TANC2: variants seen among roughly 807,000 people sequenced by gnomAD.
TANC2 encodes protein TANC2.
Under a neutral mutation model 210.5 loss-of-function variants are expected in TANC2, and 26 were observed. The observed-to-expected ratio is 0.12, with a 90% CI of 0.09 to 0.17. The LOEUF is 0.17. Ranked by LOEUF, TANC2 falls within the 10% of genes least tolerant of loss-of-function variation. The pLI is 1.00. For synonymous variants in TANC2, 931 were observed against 967.1 expected (o/e 0.96, Z 0.69); for missense variants, 2,129 against 2,608.9 (o/e 0.82, Z 4.01).
At chr17:63,185,516 T>A (rs2040951584) in intron 5 of TANC2, among the ~76,000 whole-genome samples, 1 of 152,202 alleles carries the variant, frequency 6.6e-6, no homozygotes, top group Admixed American at 6.5e-5. Context: ...ACTTGCTGAG[T>A]CATATGGTTT....
chr17:63,071,427 G>T (rs2036393852), intron 2 of TANC2, among the ~76,000 whole-genome samples: 1 of 152,108 alleles, frequency 6.6e-6, no homozygotes, highest in Non-Finnish European at 1.5e-5. Flanking sequence ...AAAGTGCTGG[G>T]ATTACAGGTG....
At chr17:62,985,682 T>C (rs1171663473) in intron 1 of TANC2, among the ~76,000 whole-genome samples, 1 of 152,182 alleles carries the variant, frequency 6.6e-6, no homozygotes, top group Non-Finnish European at 1.5e-5. Flanking sequence ...ATTTCATTCA[T>C]TGAATTCTTC....
intron 3 of TANC2, among the ~76,000 whole-genome samples, chr17:63,078,664 T>C (rs972606894): frequency 6.6e-6 from 1 of 152,176 alleles, no homozygotes; most frequent in Admixed American, 6.5e-5. Flanking sequence ...TTTAGAAGTA[T>C]GTTGATGTAG....
intron 5 of TANC2, among the ~76,000 whole-genome samples, chr17:63,178,085 A>G (rs1321794746): frequency 1.8e-4 from 28 of 152,206 alleles, no homozygotes; most frequent in Non-Finnish European, 2.9e-5. Flanking sequence ...TAATCCCAGC[A>G]CTTTGGGAGG....
chr17:63,397,613 C>T (rs1377904374), intron 18 of TANC2, among the ~76,000 whole-genome samples: 1 of 152,106 alleles, frequency 6.6e-6, no homozygotes, highest in African/African-American at 2.4e-5. Flanking sequence ...TAAATACTCC[C>T]ATCATGGCCA....
At chr17:63,018,142 C>T (rs1217556080) in intron 2 of TANC2, among the ~76,000 whole-genome samples, 5 of 151,826 alleles carry the variant, frequency 3.3e-5, no homozygotes, top group African/African-American at 9.7e-5. Flanking sequence ...AAAAAAAGAG[C>T]AGTTATTTTC....
intron 10 of TANC2, among the ~76,000 whole-genome samples, chr17:63,317,136 C>G (rs1397345503): frequency 1.3e-5 from 2 of 152,110 alleles, no homozygotes; most frequent in Non-Finnish European, 2.9e-5. Context: ...TTCCCAACTT[C>G]TTTCTCTGCA....
chr17:63,191,679 T>G (rs997907171), intron 5 of TANC2, among the ~76,000 whole-genome samples: 1 of 152,048 alleles, frequency 6.6e-6, no homozygotes, highest in East Asian at 1.9e-4. Context: ...CCCAGGCTGG[T>G]CTTGAACTCC....
chr17:63,101,663 G>C (rs868719877), intron 4 of TANC2, among the ~76,000 whole-genome samples: 1 of 152,154 alleles, frequency 6.6e-6, no homozygotes, highest in African/African-American at 2.4e-5. Context: ...TTATATTTCA[G>C]TTGAGAGAAG....
intron 9 of TANC2, among the ~76,000 whole-genome samples, chr17:63,312,598 G>C (rs1196899593): frequency 1.3e-5 from 2 of 151,960 alleles, no homozygotes; most frequent in East Asian, 3.9e-4. Context: ...ATGGGGCAAG[G>C]GTCAAAAAAC....
intron 9 of TANC2, among the ~76,000 whole-genome samples, chr17:63,286,550 C>A (rs1031934242): frequency 2.6e-5 from 4 of 152,108 alleles, no homozygotes; most frequent in Non-Finnish European, 5.9e-5. Flanking sequence ...TTCTCTTTAT[C>A]ACTGTTTTGA....
intron 9 of TANC2, among the ~76,000 whole-genome samples, chr17:63,313,822 C>T (rs1430402167): frequency 6.6e-6 from 1 of 152,186 alleles, no homozygotes; most frequent in African/African-American, 2.4e-5. Context: ...AAACAAGCCT[C>T]TCTATACTGC....
chr17:63,186,086 T>A (rs780472769), intron 5 of TANC2, among the ~76,000 whole-genome samples: 2 of 152,198 alleles, frequency 1.3e-5, no homozygotes, highest in African/African-American at 4.8e-5. Context: ...TGAAACTTAT[T>A]CTTTTAAGGA....
At chr17:63,002,621 A>G (rs1206470293) in intron 1 of TANC2, among the ~76,000 whole-genome samples, 1 of 152,230 alleles carries the variant, frequency 6.6e-6, no homozygotes, top group Non-Finnish European at 1.5e-5. Context: ...CCATCATCCT[A>G]GAAAGGTTCC....
chr17:63,146,723 C>G (rs2039474299), intron 4 of TANC2, among the ~76,000 whole-genome samples: 4 of 151,856 alleles, frequency 2.6e-5, no homozygotes, highest in Non-Finnish European at 5.9e-5. Context: ...ATTTTAATGC[C>G]CTTATATTTC....
At position 63,287,026 on chromosome 17, in the gene TANC2, C is replaced by T. The variant is rs566685128; in HGVS notation, c.1159+19153C>T. ...TTGGCCCACTGCAACCTCTGCCTCC[C>T]GGGTTCAAATGATTCTCTTGCTTCA... On this transcript the variant is annotated intron_variant, in intron 9 of 27. Coordinates refer to ENST00000689528, the Ensembl canonical transcript of TANC2. Among the ~76,000 whole-genome samples the T allele has an allele frequency of 5.3e-5, 8 of 152,194 alleles. No individual in the cohort carries two copies. The South Asian group carries it at 6.2e-4, about 12-fold the overall frequency.
At chr17:63,060,726 A>G (rs2035967699) in intron 2 of TANC2, among the ~76,000 whole-genome samples, 1 of 152,198 alleles carries the variant, frequency 6.6e-6, no homozygotes, top group Non-Finnish European at 1.5e-5. Context: ...TTGTTGGCTT[A>G]AAGTTCTTTT....
At position 63,099,103 on chromosome 17, in the gene TANC2, T is replaced by C. The variant is rs767713862; in HGVS notation, c.140-72T>C. On this transcript the variant is annotated intron_variant, in intron 3 of 27. Coordinates refer to ENST00000689528, the Ensembl canonical transcript of TANC2. ...AAATATTTGTTGTTCTGGATTATCCTATAAGATGTATTTTAATAGGGAAGG... is the reference window on the plus strand; with the variant it reads ...AAATATTTGTTGTTCTGGATTATCCCATAAGATGTATTTTAATAGGGAAGG... 1.6e-5 allele frequency: 23 copies of C among 1,409,612 alleles called. No individual in the cohort carries two copies. In the Middle Eastern group the frequency reaches 5.2e-4, roughly 32 times the overall value. 87.3% of individuals were successfully genotyped at this position (1,409,612 alleles called of 1,614,324 possible). A position where few individuals can be genotyped will look rare whatever the true frequency, so the allele number is the denominator to read the frequency against.
chr17:62,981,283 A>G (rs997639114), intron 1 of TANC2, among the ~76,000 whole-genome samples: 1 of 152,146 alleles, frequency 6.6e-6, no homozygotes, highest in African/African-American at 2.4e-5. Context: ...CACCACCTGC[A>G]TCTTTACCAA....
Sources: allele counts gnomAD v4.1 joint callset (sites outside exome capture counted in the v4.1 genomes callset), GRCh38; gene constraint gnomAD v4.1.1; transcripts MANE v1.5; gene names NCBI Gene and HGNC (gene_info 2026-07-23, HGNC 2026-07-21).